RNF149: variants seen among roughly 807,000 people sequenced by gnomAD.
RNF149 encodes the protein E3 ubiquitin-protein ligase RNF149.
Under a neutral mutation model 39.0 loss-of-function variants are expected in RNF149, and 21 were observed. The observed-to-expected ratio is 0.54, with a 90% CI of 0.38 to 0.77. RNF149 has a LOEUF of 0.77. Ranked by LOEUF, RNF149 falls within the 30% of genes least tolerant of loss-of-function variation. The pLI is 0.00. For missense variants in RNF149, 493 were observed against 534.9 expected (o/e 0.92, Z 0.77); for synonymous variants, 209 against 213.6 (o/e 0.98, Z 0.19).
intron 5 of RNF149, among the ~76,000 whole-genome samples, chr2:101,282,760 A>C (rs1359935059): frequency 1.3e-5 from 2 of 152,140 alleles, no homozygotes; most frequent in Non-Finnish European, 2.9e-5. Flanking sequence ...CTGCAGGTTG[A>C]CTATGACCTT....
At chr2:101,302,414 C>T (rs1168539257) in intron 1 of RNF149, among the ~76,000 whole-genome samples, 1 of 152,044 alleles carries the variant, frequency 6.6e-6, no homozygotes, top group Non-Finnish European at 1.5e-5. Context: ...GCAAAACAAA[C>T]GTTTTTATGG....
chr2:101,306,795 A>G (rs1683678554), intron 1 of RNF149, among the ~76,000 whole-genome samples: 1 of 152,090 alleles, frequency 6.6e-6, no homozygotes. Flanking sequence ...CTTTCCCATC[A>G]CTTCACAAAA....
At chr2:101,272,966 A>G (rs1201135962), downstream of RNF149, 1 of 1,352,290 alleles carries the variant, frequency 7.4e-7, no homozygotes, top group Non-Finnish European at 9.8e-7. Context: ...TCGCTTCAGG[A>G]TATTTTGTCA....
In RNF149 at chr2:101,300,206, G is replaced by A. The variant is rs72986738; in HGVS notation, c.461-5025C>T. ...AAAAAGTTTACAAAGCAAAGGAAGA[G>A]GGTTTCTAGACTGTAGACCACAACA... On this transcript the variant is annotated intron_variant, in intron 1 of 6. Coordinates refer to ENST00000295317, the MANE Select transcript of RNF149 (RefSeq NM_173647.4). 2.8e-3 allele frequency among the ~76,000 whole-genome samples: 431 copies of A among 152,292 alleles called. 2 individuals are homozygous for A. Among genetic ancestry groups the A allele is most frequent in the African/African-American group, 9.6e-3 (401 of 41,570 alleles).
rs1233983070 is a variant in RNF149, at chr2:101,308,689, C to T, written c.-101G>A. Reference sequence around the variant, plus strand: ...GGACACCCACCGCCGCCCTGGAAGACTGAGGCGGGGTCGGGGCCGCTGCGC... The same window carrying T: ...GGACACCCACCGCCGCCCTGGAAGATTGAGGCGGGGTCGGGGCCGCTGCGC... On this transcript the variant is annotated 5_prime_UTR_variant, in exon 1 of 7. Transcript: ENST00000295317. 4.4e-6 allele frequency: 5 copies of T among 1,144,214 alleles called. No individual in the cohort carries two copies. The highest frequency in any genetic ancestry group is 5.9e-6 in the Non-Finnish European group (5 of 852,154). 70.9% of individuals were successfully genotyped at this position (1,144,214 alleles called of 1,614,324 possible).
chr2:101,275,774 A>C lies in RNF149; in HGVS notation c.*1464T>G. The C allele has an allele frequency of 3.1e-6, 3 of 980,886 alleles. No homozygotes were observed. The South Asian group carries it at 1.4e-4, about 46-fold the overall frequency. 60.8% of individuals were successfully genotyped at this position (980,886 alleles called of 1,614,324 possible). On this transcript the variant is annotated 3_prime_UTR_variant, in exon 7 of 7. Coordinates refer to ENST00000295317, the MANE Select transcript of RNF149 (RefSeq NM_173647.4). ...ATTTCTTAAAGACAAAGAGCAAACA[A>C]TCTACTTGCTACAGAATCAGGATGT...
intron 6 of RNF149, 145 bp from the exon 7 acceptor site, chr2:101,277,426 G>T (rs768364949): frequency 4.2e-6 from 5 of 1,187,840 alleles, no homozygotes; most frequent in Non-Finnish European, 5.6e-6. Context: ...TCTTGTTCTT[G>T]TTGCCCAGGC....
intron 1 of RNF149, chr2:101,307,841 C>G: frequency 1.0e-6 from 1 of 985,444 alleles, no homozygotes; most frequent in Non-Finnish European, 1.2e-6. Flanking sequence ...ATTTCCTCAC[C>G]TGTTAGAACC....
chr2:101,281,929 G>C lies in RNF149; in HGVS notation c.1089C>G (p.Ser363=), dbSNP rs1174605772. ...CACACTGTGGCTCAGATTCAGCAGG[G>C]GAGGCTGATGGTGGACTGCTGTCAT... The part of the protein sequence containing the change: ...GSDDSSPPSA[S]PAESEPQCDP... The change falls in exon 6 of 7, where the codon TCC becomes TCG. Residue 363 remains serine (S), a synonymous_variant. Transcript: ENST00000295317. 1 of 1,613,712 alleles carries C rather than the reference G, an allele frequency of 6.2e-7. No homozygotes were observed. The highest frequency in any genetic ancestry group is 2.2e-5 in the East Asian group (1 of 44,874).
At chr2:101,292,808 G>A (rs558720290) in intron 3 of RNF149, among the ~76,000 whole-genome samples, 4 of 152,184 alleles carry the variant, frequency 2.6e-5, no homozygotes, top group African/African-American at 9.6e-5. Flanking sequence ...GCTAAGGAGG[G>A]TAAGAAGTCA....
At chr2:101,279,864 T>C (rs181130576) in intron 6 of RNF149, among the ~76,000 whole-genome samples, 7 of 152,332 alleles carry the variant, frequency 4.6e-5, no homozygotes, top group Admixed American at 1.3e-4. Context: ...CTTCCTCTTC[T>C]AGGATGACAA....
chr2:101,284,836 C>G (rs1450332059), intron 5 of RNF149, among the ~76,000 whole-genome samples: 2 of 152,134 alleles, frequency 1.3e-5, no homozygotes, highest in East Asian at 3.9e-4. Context: ...ATGAAAAACT[C>G]TAAAAATATG....
At chr2:101,295,307 CA>C in intron 1 of RNF149, 126 bp from the exon 2 acceptor site, 1 of 774,942 alleles carries the variant, frequency 1.3e-6, no homozygotes, top group South Asian at 1.9e-5. Flanking sequence ...CCATGGGAAA[CA>C]TAAGTTACCA....
At chr2:101,289,429 A>G (rs532757807) in intron 3 of RNF149, among the ~76,000 whole-genome samples, 1 of 152,192 alleles carries the variant, frequency 6.6e-6, no homozygotes, top group East Asian at 1.9e-4. Context: ...GGTTTCGGCC[A>G]GGTGCAGTGG....
chr2:101,299,915 G>A lies in RNF149; in HGVS notation c.461-4734C>T, dbSNP rs72986736. On this transcript the variant is annotated intron_variant, in intron 1 of 6. Coordinates refer to ENST00000295317, the MANE Select transcript of RNF149 (RefSeq NM_173647.4). Reference sequence around the variant, plus strand: ...CCGAGGTAACGTCCCTTCCCCATCCGCCTTCATAGGATCACAGGCTTCACA... The same window carrying A: ...CCGAGGTAACGTCCCTTCCCCATCCACCTTCATAGGATCACAGGCTTCACA... 2.9e-3 allele frequency among the ~76,000 whole-genome samples: 439 copies of A among 152,288 alleles called. 2 individuals carry two copies. Among genetic ancestry groups the A allele is most frequent in the African/African-American group, 9.7e-3 (403 of 41,552 alleles).
intron 4 of RNF149, 48 bp from the exon 5 acceptor site, chr2:101,286,225 T>C: frequency 1.8e-6 from 2 of 1,117,044 alleles, no homozygotes; most frequent in South Asian, 2.6e-5. Context: ...AATGTTTATA[T>C]AACTTATAAA....
In RNF149 at chr2:101,277,219, A is replaced by G; in HGVS notation, c.*19T>C. On this transcript the variant is annotated 3_prime_UTR_variant, in exon 7 of 7. Transcript: ENST00000295317. ...TTCAAGCCAAACTTCTGTTGGTGCCACTTCAGTGGGCACGTGTGCTAGGAG... is the reference window on the plus strand; with the variant it reads ...TTCAAGCCAAACTTCTGTTGGTGCCGCTTCAGTGGGCACGTGTGCTAGGAG... 6.2e-7 allele frequency: 1 copy of G among 1,613,146 alleles called. No homozygotes were observed. Among genetic ancestry groups the G allele is most frequent in the Non-Finnish European group, 8.5e-7 (1 of 1,179,494 alleles).
intron 1 of RNF149, among the ~76,000 whole-genome samples, chr2:101,297,413 GT>G (rs1044937475): frequency 6.6e-6 from 1 of 152,094 alleles, no homozygotes; most frequent in Admixed American, 6.6e-5. Context: ...ATGGAGTACA[GT>G]GGTGGGATCC....
chr2:101,275,736 C>A lies in RNF149; in HGVS notation c.*1502G>T, dbSNP rs1036978455. The A allele has an allele frequency of 1.0e-6, 1 of 957,370 alleles. No individual in the cohort carries two copies. The highest frequency in any genetic ancestry group is 1.2e-6 in the Non-Finnish European group (1 of 804,510). The allele number at this position is 957,370 out of a possible 1,614,324, so 59.3% of individuals were successfully genotyped here. On this transcript the variant is annotated 3_prime_UTR_variant, in exon 7 of 7. Coordinates refer to ENST00000295317, the MANE Select transcript of RNF149 (RefSeq NM_173647.4). ...GATTACAGGCGTGAGCCACCGCGCC[C>A]GGCCCTCCTAGTATTTCTTAAAGAC...
Sources: gnomAD v4.1 joint callset for allele counts (sites outside exome capture counted in the v4.1 genomes callset) on GRCh38, gnomAD v4.1.1 for gene constraint, MANE v1.5 for transcripts, NCBI Gene and HGNC (gene_info 2026-07-23, HGNC 2026-07-21) for gene names.